The following NUP58 variants were observed in gnomAD, a reference collection of about 807,000 sequenced individuals.
NUP58 encodes nucleoporin p58/p45.
NUP58 carries 17 observed loss-of-function variants against 70.1 expected under a neutral mutation model. That is an observed-to-expected ratio of 0.24 (90% CI 0.17 to 0.36). The LOEUF is 0.36. Among genes scored for constraint, NUP58 ranks in the 10% least tolerant of loss-of-function variants. NUP58 has a pLI of 1.00. For synonymous variants in NUP58, 275 were observed against 257.6 expected, an observed-to-expected ratio of 1.07 and a Z score of -0.65; for missense variants, 644 against 701.5, an observed-to-expected ratio of 0.92 and a Z score of 0.93.
intron 9 of NUP58, among the ~76,000 whole-genome samples, chr13:25,321,437 A>G (rs2031180056): frequency 6.6e-6 from 1 of 152,230 alleles, no homozygotes; most frequent in Non-Finnish European, 1.5e-5. Flanking sequence ...ATCCAACTCC[A>G]GAGTTTATGC....
intron 14 of NUP58, 152 bp downstream of exon 14, chr13:25,337,186 C>A: frequency 2.1e-6 from 1 of 468,728 alleles, no homozygotes; most frequent in Non-Finnish European, 3.7e-6. Flanking sequence ...TTATTGCTTT[C>A]TAATATTAGA....
intron 12 of NUP58, among the ~76,000 whole-genome samples, chr13:25,328,931 T>G (rs1364747923): frequency 6.6e-6 from 1 of 152,198 alleles, no homozygotes; most frequent in African/African-American, 2.4e-5. Context: ...CATTTTTATT[T>G]TGATTTCATG....
Position 25,324,690 on chromosome 13 carries a change from AG to A in NUP58, c.952-298del, listed in dbSNP as rs147320135. Among the ~76,000 whole-genome samples the A allele has an allele frequency of 2.9e-3, 442 of 152,328 alleles. 2 individuals are homozygous for A. The highest frequency in any genetic ancestry group is 4.9e-3 in the Non-Finnish European group (330 of 68,032). ...TTCTGCGTTTATATTAATGATTTTA[AG>A]TAGTAGTATAATCTTTACGCTGTAA... On this transcript the variant is annotated intron_variant, in intron 9 of 15. Coordinates refer to ENST00000381736, the MANE Select transcript of NUP58 (RefSeq NM_014089.4).
chr13:25,341,288 T>A lies in NUP58; in HGVS notation c.*1154T>A, dbSNP rs1019723124. 1.3e-5 allele frequency: 2 copies of A among 152,620 alleles called. No individual in the cohort carries two copies. Among genetic ancestry groups the A allele is most frequent in the Non-Finnish European group, 2.9e-5 (2 of 68,032 alleles). The allele number at this position is 152,620 out of a possible 1,614,324, so 9.5% of individuals were successfully genotyped here. On this transcript the variant is annotated 3_prime_UTR_variant, in exon 16 of 16. Transcript: ENST00000381736. ...TTGCTTCTGTGAGATGTTTTTTTCT[T>A]ATCTGAGATGAACTTTCAGGAGCCT...
At chr13:25,315,960 CCTT>C (rs2030912324) in intron 6 of NUP58, among the ~76,000 whole-genome samples, 1 of 152,064 alleles carries the variant, frequency 6.6e-6, no homozygotes, top group African/African-American at 2.4e-5. Context: ...TTTGGTTTTT[CCTT>C]ATCTGTTAAA....
chr13:25,345,346 G>A (rs2032035493), downstream of NUP58, among the ~76,000 whole-genome samples: 1 of 151,874 alleles, frequency 6.6e-6, no homozygotes, highest in Non-Finnish European at 1.5e-5. Flanking sequence ...TGAAGGTAAT[G>A]TGATTACACA....
At chr13:25,316,782 A>T (rs951533923) in intron 6 of NUP58, among the ~76,000 whole-genome samples, 50 of 152,284 alleles carry the variant, frequency 3.3e-4, no homozygotes, top group African/African-American at 1.1e-3. Context: ...GAGTAAGATA[A>T]ATGTAAGAAA....
At chr13:25,315,106 A>G (rs1013774210) in intron 5 of NUP58, among the ~76,000 whole-genome samples, 3 of 152,232 alleles carry the variant, frequency 2.0e-5, no homozygotes, top group Non-Finnish European at 4.4e-5. Context: ...GTGCCTACAT[A>G]CTGAATTGAT....
chr13:25,348,981 C>T (rs1315733396), intron 3 of NUP58, among the ~76,000 whole-genome samples: 1 of 152,176 alleles, frequency 6.6e-6, no homozygotes, highest in African/African-American at 2.4e-5. Context: ...CTCTTTCACA[C>T]CAGGGGCTGT....
chr13:25,315,488 T>C (rs1218115787), intron 6 of NUP58, 21 bp downstream of exon 6: 3 of 1,523,034 alleles, frequency 2.0e-6, no homozygotes, highest in Non-Finnish European at 2.7e-6. Flanking sequence ...CTGTTGTAAC[T>C]TTATGTTTTA....
intron 4 of NUP58, 77 bp downstream of exon 4, chr13:25,313,109 C>A (rs1042916480): frequency 6.8e-7 from 1 of 1,461,530 alleles, no homozygotes; most frequent in Non-Finnish European, 9.3e-7. Context: ...AGATAGTCAC[C>A]TTACTACAGA....
At chr13:25,348,614 A>T (rs531012329) in intron 3 of NUP58, among the ~76,000 whole-genome samples, 3 of 152,182 alleles carry the variant, frequency 2.0e-5, no homozygotes, top group Non-Finnish European at 4.4e-5. Context: ...ATCGCATTAT[A>T]TTTCTGTTAG....
chr13:25,340,289 A>T lies in NUP58; in HGVS notation c.*155A>T. ...AATTTGAACTTTCTTCATGTTTGCC[A>T]TACTGAACATCTTTTTTCTTGTGGA... On this transcript the variant is annotated 3_prime_UTR_variant, in exon 16 of 16. Transcript: ENST00000381736. 1.6e-6 allele frequency: 1 copy of T among 627,958 alleles called. No individual in the cohort carries two copies. Among genetic ancestry groups the T allele is most frequent in the Non-Finnish European group, 2.5e-6 (1 of 405,598 alleles). The allele number at this position is 627,958 out of a possible 1,614,324, so 38.9% of individuals were successfully genotyped here. A position where few individuals can be genotyped will look rare whatever the true frequency, so the allele number is the denominator to read the frequency against.
intron 13 of NUP58, chr13:25,332,417 C>G (rs1368614660): frequency 2.0e-6 from 2 of 984,832 alleles, no homozygotes; most frequent in Non-Finnish European, 2.4e-6. Context: ...GAAAAATAGT[C>G]TTAATCGATA....
At position 25,334,908 on chromosome 13, in the gene NUP58, A is replaced by C. The variant is rs928205312; in HGVS notation, c.1436-2028A>C. The C allele has an allele frequency of 4.1e-6, 4 of 984,758 alleles. No homozygotes were observed. The East Asian group carries it at 4.5e-4, about 112-fold the overall frequency. The allele number at this position is 984,758 out of a possible 1,614,324, so 61.0% of individuals were successfully genotyped here. A position where few individuals can be genotyped will look rare whatever the true frequency, so the allele number is the denominator to read the frequency against. On this transcript the variant is annotated intron_variant, in intron 13 of 15. Coordinates refer to ENST00000381736, the MANE Select transcript of NUP58 (RefSeq NM_014089.4). Reference sequence around the variant, plus strand: ...TATCACTACAAACTTAATTTTATTTATGGAAATAAGAACCTCTCATTGGAT... The same window carrying C: ...TATCACTACAAACTTAATTTTATTTCTGGAAATAAGAACCTCTCATTGGAT...
chr13:25,325,575 C>T (rs987443580), intron 10 of NUP58, among the ~76,000 whole-genome samples: 2 of 152,196 alleles, frequency 1.3e-5, no homozygotes, highest in African/African-American at 2.4e-5. Context: ...CAAATGCTTA[C>T]TATTTCCCAT....
chr13:25,315,332 TTTATAAG>T lies in NUP58; in HGVS notation c.575-20_575-14del. On this transcript the variant is annotated intron_variant, in intron 5 of 15. Transcript: ENST00000381736. Reference sequence around the variant, plus strand: ...AAATTGTTGTAGTCTTTTGATGGAATTTATAAGTTATGTTTTATTTATAGGACTTGGA... The same window carrying T: ...AAATTGTTGTAGTCTTTTGATGGAATTTATGTTTTATTTATAGGACTTGGA... 6.6e-7 allele frequency: 1 copy of T among 1,526,102 alleles called. No homozygotes were observed. Among genetic ancestry groups the T allele is most frequent in the Non-Finnish European group, 9.0e-7 (1 of 1,105,084 alleles). The allele number at this position is 1,526,102 out of a possible 1,614,324, so 94.5% of individuals were successfully genotyped here. A position where few individuals can be genotyped will look rare whatever the true frequency, so the allele number is the denominator to read the frequency against.
chr13:25,327,325 TCCTACACG>T, intron 11 of NUP58, 97 bp from the exon 12 acceptor site: 1 of 650,474 alleles, frequency 1.5e-6, no homozygotes, highest in Admixed American at 3.1e-5. Context: ...AGTTTTTTTC[TCCTACACG>T]TTAACTGTGC....
chr13:25,336,171 A>G (rs368749741), intron 13 of NUP58: 3 of 1,361,608 alleles, frequency 2.2e-6, no homozygotes, highest in Admixed American at 1.9e-5. Flanking sequence ...GTCAAGGTAC[A>G]CAGCGGTGCC....
Sources: allele counts gnomAD v4.1 joint callset (sites outside exome capture counted in the v4.1 genomes callset), GRCh38; gene constraint gnomAD v4.1.1; transcripts MANE v1.5; gene names NCBI Gene and HGNC (gene_info 2026-07-23, HGNC 2026-07-21).